The following ADAMTSL3 variants were observed in gnomAD, a reference collection of about 807,000 sequenced individuals.
ADAMTSL3 encodes the protein ADAMTS-like protein 3.
In ADAMTSL3, 128 loss-of-function variants were observed where a neutral mutation model predicts 201.7. The observed-to-expected ratio is 0.63, with a 90% CI of 0.55 to 0.73. ADAMTSL3 has a LOEUF of 0.73. Ranked by LOEUF, ADAMTSL3 falls within the 30% of genes least tolerant of loss-of-function variation. The pLI is 0.00. For synonymous variants in ADAMTSL3, 738 were observed against 748.4 expected (o/e 0.99, Z 0.23); for missense variants, 1,990 against 2,119.6 (o/e 0.94, Z 1.20).
At chr15:83,822,930 C>A (rs1004416593) in intron 6 of ADAMTSL3, among the ~76,000 whole-genome samples, 2 of 151,986 alleles carry the variant, frequency 1.3e-5, no homozygotes. Context: ...AAGCAGACTC[C>A]GTCTGCAATC....
intron 2 of ADAMTSL3, among the ~76,000 whole-genome samples, chr15:83,662,929 G>T (rs554717399): frequency 2.6e-5 from 4 of 152,290 alleles, no homozygotes; most frequent in Admixed American, 6.5e-5. Context: ...CTGCCCTCTG[G>T]GTAGCAGATG....
chr15:83,909,846 C>T (rs1018266410), intron 15 of ADAMTSL3, among the ~76,000 whole-genome samples: 6 of 152,108 alleles, frequency 3.9e-5, no homozygotes, highest in African/African-American at 1.4e-4. Flanking sequence ...GAACTCCTGA[C>T]CTCAGGTTAT....
intron 15 of ADAMTSL3, among the ~76,000 whole-genome samples, chr15:83,903,920 A>AGGAAGGAAGG (rs1329970127): frequency 9.4e-4 from 55 of 58,726 alleles, no homozygotes; most frequent in East Asian, 2.4e-3. Flanking sequence ...TCCACATCAA[A>AGGAAGGAAGG]AAAAAAAAAA....
intron 19 of ADAMTSL3, among the ~76,000 whole-genome samples, chr15:83,964,722 C>A (rs2067044418): frequency 6.6e-6 from 1 of 152,128 alleles, no homozygotes; most frequent in African/African-American, 2.4e-5. Context: ...ACATAATCGT[C>A]AGATTTACCA....
At chr15:84,008,307 C>A (rs2067933456) in intron 23 of ADAMTSL3, among the ~76,000 whole-genome samples, 1 of 152,172 alleles carries the variant, frequency 6.6e-6, no homozygotes, top group Admixed American at 6.5e-5. Context: ...GTTGCCCAGG[C>A]TGGCCTCGAA....
chr15:83,846,466 G>C (rs986975138), intron 7 of ADAMTSL3, among the ~76,000 whole-genome samples: 1 of 152,190 alleles, frequency 6.6e-6, no homozygotes, highest in Non-Finnish European at 1.5e-5. Context: ...GAGGTGCACC[G>C]AGGCTTAGAG....
chr15:83,996,811 C>T (rs1300128642), intron 23 of ADAMTSL3, among the ~76,000 whole-genome samples: 68 of 128,824 alleles, frequency 5.3e-4, no homozygotes, highest in African/African-American at 1.8e-3. Flanking sequence ...AAAAAAAGAG[C>T]AAAAGATATG....
chr15:83,979,123 C>G (rs1263602848), intron 20 of ADAMTSL3, among the ~76,000 whole-genome samples: 1 of 152,230 alleles, frequency 6.6e-6, no homozygotes, highest in Admixed American at 6.5e-5. Context: ...GCTGTTTAGC[C>G]AGACGTTTCC....
chr15:83,843,987 T>C (rs2064439800), intron 7 of ADAMTSL3, among the ~76,000 whole-genome samples: 1 of 152,226 alleles, frequency 6.6e-6, no homozygotes, highest in African/African-American at 2.4e-5. Flanking sequence ...GAGAGAAAGC[T>C]GTAAAAACAA....
At chr15:84,028,205 C>G (rs759747714) in intron 27 of ADAMTSL3, among the ~76,000 whole-genome samples, 14 of 152,136 alleles carry the variant, frequency 9.2e-5, no homozygotes, top group Non-Finnish European at 1.8e-4. Context: ...ATTCCGTTAA[C>G]ATTCGATGGC....
rs553230682 is a variant in ADAMTSL3 at position 83,903,377 on chromosome 15, A to G, written c.1700+3646A>G. On this transcript the variant is annotated intron_variant, in intron 15 of 29. Coordinates refer to ENST00000286744, the MANE Select transcript of ADAMTSL3 (RefSeq NM_207517.3). ...CCCATCACCACCTCCCATCTCTCAA[A>G]TTTTCTCATCACCCCCCAACATAAG... Among the ~76,000 whole-genome samples, 9 of 151,464 alleles carry G rather than the reference A, an allele frequency of 5.9e-5. No individual in the cohort carries two copies. In the South Asian group the frequency reaches 1.9e-3, roughly 32 times the overall value.
intron 3 of ADAMTSL3, among the ~76,000 whole-genome samples, chr15:83,767,312 C>G (rs543233028): frequency 2.5e-4 from 38 of 152,312 alleles, no homozygotes; most frequent in African/African-American, 8.7e-4. Context: ...TTGTTCAGGT[C>G]TTCTTCCATG....
At chr15:83,906,622 CCACACACACACACACACACACA>C (rs1157198460) in intron 15 of ADAMTSL3, among the ~76,000 whole-genome samples, 107 of 78,986 alleles carry the variant, frequency 1.4e-3, no homozygotes, top group African/African-American at 1.9e-3. Context: ...GTGCCACACA[CCACACACACACACACACACACA>C]CACACACACA....
chr15:83,942,764 C>G lies in ADAMTSL3; in HGVS notation c.2286C>G (p.Gly762=). 3 of 1,613,698 alleles carry G rather than the reference C, an allele frequency of 1.9e-6. No homozygotes were observed. The highest frequency in any genetic ancestry group is 2.5e-6 in the Non-Finnish European group (3 of 1,179,832). Residue 762 remains glycine (G), a synonymous_variant, in exon 18 of 30, where the codon GGC becomes GGG. Coordinates refer to ENST00000286744, the MANE Select transcript of ADAMTSL3 (RefSeq NM_207517.3). ...GCAATCAGTTTGACTGCCCTCCTGG[C>G]TGGCACATTGAAGAATGGCAGCAGG... ...QACNQFDCPP[G]WHIEEWQQCS...
chr15:83,840,459 G>T (rs190002452), intron 7 of ADAMTSL3, among the ~76,000 whole-genome samples: 1 of 152,202 alleles, frequency 6.6e-6, no homozygotes. Context: ...CAGGACAAGA[G>T]GAGGGGAACA....
chr15:84,035,527 C>CCAAACT lies in ADAMTSL3; in HGVS notation c.4755-1246_4755-1245insCAAACT, dbSNP rs1567316788. 6.1e-4 allele frequency among the ~76,000 whole-genome samples: 93 copies of CCAAACT among 152,212 alleles called. 1 individual carries two copies. Among genetic ancestry groups the CCAAACT allele is most frequent in the Middle Eastern group, 3.4e-3 (1 of 294 alleles). The stretch of plus-strand genomic sequence containing the variant: ...CAGGACACCCACCTCTTCCATATAT[C>CCAAACT]GTATGAACAGTTTGGTAGGACAGCA... On this transcript the variant is annotated intron_variant, in intron 28 of 29. Transcript: ENST00000286744.
intron 3 of ADAMTSL3, among the ~76,000 whole-genome samples, chr15:83,718,573 G>T: frequency 6.6e-6 from 1 of 151,786 alleles, no homozygotes; most frequent in East Asian, 1.9e-4. Flanking sequence ...GCGTGGTGGT[G>T]CATGGCTATA....
At chr15:83,960,239 C>T (rs778816902) in intron 19 of ADAMTSL3, among the ~76,000 whole-genome samples, 9 of 152,008 alleles carry the variant, frequency 5.9e-5, no homozygotes, top group Non-Finnish European at 1.3e-4. Flanking sequence ...TGAAACCCAA[C>T]AAAAAACCCA....
chr15:83,727,875 G>T lies in ADAMTSL3; in HGVS notation c.189+23367G>T, dbSNP rs548258013. On this transcript the variant is annotated intron_variant, in intron 3 of 29. Transcript: ENST00000286744. The stretch of plus-strand genomic sequence containing the variant: ...TGAAATGTTCTGTAAATATCTATTA[G>T]GTTCATTTGGTCTATAGTGCAGATT... Among the ~76,000 whole-genome samples the T allele has an allele frequency of 2.7e-4, 41 of 152,050 alleles. No homozygotes were observed. In the South Asian group the frequency reaches 8.5e-3, roughly 32 times the overall value.
Sources: gnomAD v4.1 joint callset for allele counts (sites outside exome capture counted in the v4.1 genomes callset) on GRCh38, gnomAD v4.1.1 for gene constraint, MANE v1.5 for transcripts, NCBI Gene and HGNC (gene_info 2026-07-23, HGNC 2026-07-21) for gene names.